The following NUP188 variants were observed in gnomAD, a reference collection of about 807,000 sequenced individuals.
NUP188 encodes the protein nucleoporin 188, also known as nucleoporin NUP188.
NUP188 carries 97 observed loss-of-function variants against 223.0 expected under a neutral mutation model. The ratio of observed to expected loss-of-function variants is 0.43; its 90% confidence interval spans 0.37 to 0.51. The LOEUF (loss-of-function observed/expected upper bound fraction) is 0.51. Ranked by LOEUF, NUP188 falls within the 20% of genes least tolerant of loss-of-function variation. The pLI, the probability that NUP188 is intolerant of heterozygous loss-of-function variation, is 0.00. For missense variants in NUP188, 1,947 were observed against 2,175.6 expected (o/e 0.89, Z 2.09); for synonymous variants, 869 against 828.0 (o/e 1.05, Z -0.85).
At position 128,949,222 on chromosome 9, in the gene NUP188, A is replaced by T. The variant is rs1355589625; in HGVS notation, c.66A>T (p.Gly22=). ...SSRELWTILL[G]RSALRELSQI... ...GAGAACTGTGGACTATTCTGCTTGG[A>T]AGGTCAGCTCTGAGAGAGCTGGTAA... The change falls in exon 2 of 44, where the codon GGA becomes GGT. Residue 22 remains glycine, a synonymous_variant. Coordinates refer to ENST00000372577, the MANE Select transcript of NUP188 (RefSeq NM_015354.3). 1 of 1,613,250 alleles carries T rather than the reference A, an allele frequency of 6.2e-7. No individual in the cohort carries two copies.
At chr9:128,999,401 C>T (rs1588291714) in intron 33 of NUP188, 84 bp downstream of exon 33, 1 of 1,512,436 alleles carries the variant, frequency 6.6e-7, no homozygotes, top group Non-Finnish European at 9.0e-7. Context: ...CAGCTTAGGG[C>T]CACACATTTC....
chr9:129,003,057 A>C, intron 37 of NUP188, 82 bp downstream of exon 37: 1 of 1,484,562 alleles, frequency 6.7e-7, no homozygotes, highest in Non-Finnish European at 9.1e-7. Context: ...GTGGGTGTGG[A>C]GCCTGGGCCT....
intron 12 of NUP188, among the ~76,000 whole-genome samples, chr9:128,973,594 G>T (rs1305317959): frequency 6.6e-6 from 1 of 152,096 alleles, no homozygotes; most frequent in Admixed American, 6.6e-5. Context: ...TGTCGACCAG[G>T]CTGGTCTTAA....
At chr9:128,974,284 C>T (rs746592004) in intron 12 of NUP188, among the ~76,000 whole-genome samples, 18 of 151,970 alleles carry the variant, frequency 1.2e-4, no homozygotes, top group Non-Finnish European at 2.2e-4. Context: ...CTTCTCACCT[C>T]GGCTTCCCAA....
rs534637267 is a variant in NUP188, at chr9:128,980,798, C to T, written c.1389+73C>T. On this transcript the variant is annotated intron_variant, in intron 14 of 43. Coordinates refer to ENST00000372577, the MANE Select transcript of NUP188 (RefSeq NM_015354.3). ...GAGACTTTATTAGGAATCTTTTTTG[C>T]TTTCCACATTGCAGTTCTACTGCCA... 1.2e-3 allele frequency: 1,767 copies of T among 1,523,844 alleles called. 2 individuals carry two copies. Among genetic ancestry groups the T allele is most frequent in the Non-Finnish European group, 1.5e-3 (1,631 of 1,113,934 alleles). 94.4% of individuals were successfully genotyped at this position (1,523,844 alleles called of 1,614,324 possible).
chr9:128,968,703 T>C lies in NUP188; in HGVS notation c.783T>C (p.Phe261=), dbSNP rs1842065931. The C allele has an allele frequency of 6.2e-7, 1 of 1,613,432 alleles. No homozygotes were observed. The highest frequency in any genetic ancestry group is 8.5e-7 in the Non-Finnish European group (1 of 1,179,458). The change falls in exon 9 of 44, where the codon TTT becomes TTC. Residue 261 remains phenylalanine (F), a synonymous_variant. Coordinates refer to ENST00000372577, the MANE Select transcript of NUP188 (RefSeq NM_015354.3). ...RHLVDETMDP[F]VDRIGYFSAL... is the part of the protein sequence containing the mutation. ...TGGTGGATGAGACTATGGATCCTTT[T>C]GTAGATCGGATTGGGTAAGTCAGTG...
At position 128,979,290 on chromosome 9, in the gene NUP188, T is replaced by C. The variant is rs775554243; in HGVS notation, c.1232T>C (p.Leu411Ser). 1.2e-6 allele frequency: 2 copies of C among 1,612,564 alleles called. No individual in the cohort carries two copies. The highest frequency in any genetic ancestry group is 3.3e-5 in the Admixed American group (2 of 59,944). Residue 411 changes from leucine (L) to serine (S), a missense_variant, in exon 13 of 44, where the codon TTG (leucine) becomes TCG (serine). This residue lies in a region of NUP188 where 817 missense variants were observed against 865.8 expected (regional missense o/e 0.94). Coordinates refer to ENST00000372577, the MANE Select transcript of NUP188 (RefSeq NM_015354.3). The part of the protein sequence containing the change: ...QDIIDTACEV[L>S]ADPSLPELFW... ...ATAATTGATACAGCATGTGAAGTAT[T>C]GGCCGACCCTTCTCTTCCGGAACTG...
Position 128,950,689 on chromosome 9 carries a change from T to A in NUP188, c.87+1446T>A, listed in dbSNP as rs190215489. On this transcript the variant is annotated intron_variant, in intron 2 of 43. Coordinates refer to ENST00000372577, the MANE Select transcript of NUP188 (RefSeq NM_015354.3). ...GACCCCGTCTCTACAAAAAATTTTTTAAAAAATTAGCCAGGCATGGTGGTG... is the reference window on the plus strand; with the variant it reads ...GACCCCGTCTCTACAAAAAATTTTTAAAAAAATTAGCCAGGCATGGTGGTG... 8.7e-3 allele frequency among the ~76,000 whole-genome samples: 1,327 copies of A among 152,090 alleles called. 16 individuals are homozygous for A. Among genetic ancestry groups the A allele is most frequent in the East Asian group, 0.045 (231 of 5,164 alleles).
chr9:128,949,465 T>C (rs1399861856), intron 2 of NUP188, among the ~76,000 whole-genome samples: 1 of 151,774 alleles, frequency 6.6e-6, no homozygotes, highest in Non-Finnish European at 1.5e-5. Flanking sequence ...CTCGAGTAGC[T>C]GGGATTACAG....
At chr9:128,960,486 A>G (rs1201197262) in intron 8 of NUP188, among the ~76,000 whole-genome samples, 1 of 152,222 alleles carries the variant, frequency 6.6e-6, no homozygotes, top group African/African-American at 2.4e-5. Flanking sequence ...CTTAAAAAAT[A>G]TTTAATAGAT....
chr9:128,992,323 G>T (rs561444986), intron 25 of NUP188, among the ~76,000 whole-genome samples: 1 of 152,298 alleles, frequency 6.6e-6, no homozygotes, highest in Admixed American at 6.5e-5. Flanking sequence ...CTCCCAGGTT[G>T]CTGGGATTAC....
In NUP188 at chr9:128,998,188, G is replaced by C. The variant is rs756380420; in HGVS notation, c.3389G>C (p.Arg1130Pro). The change falls in exon 31 of 44, where the codon CGC becomes CCC. Residue 1130 changes from arginine (R) to proline (P), a missense_variant. Coordinates refer to ENST00000372577, the MANE Select transcript of NUP188 (RefSeq NM_015354.3). ...CACCTGACTGACTCTGTGGTGCGTC[G>C]CCAGCTCTTTCTTGACGTGCTTGAT... ...IMHLTDSVVR[R>P]QLFLDVLDGT... is the part of the protein sequence containing the mutation. 4.9e-5 allele frequency: 79 copies of C among 1,613,746 alleles called. No homozygotes were observed. The Admixed American group carries it at 6.3e-4, about 13-fold the overall frequency.
chr9:128,959,527 CTTTTT>C (rs1303364478), intron 8 of NUP188, among the ~76,000 whole-genome samples: 4 of 123,878 alleles, frequency 3.2e-5, no homozygotes, highest in East Asian at 4.7e-4. Context: ...TACAGATTAT[CTTTTT>C]TTTTTTTTTT....
intron 8 of NUP188, among the ~76,000 whole-genome samples, chr9:128,967,070 T>C (rs1842040159): frequency 6.6e-6 from 1 of 152,116 alleles, no homozygotes. Context: ...TACAGGGGCA[T>C]GATTGTAGCC....
chr9:128,979,698 T>C (rs1842229054), intron 13 of NUP188, among the ~76,000 whole-genome samples: 1 of 152,120 alleles, frequency 6.6e-6, no homozygotes, highest in South Asian at 2.1e-4. Flanking sequence ...AATGGCGCGA[T>C]CTCGGCTCAC....
intron 8 of NUP188, 28 bp downstream of exon 8, chr9:128,959,162 C>CTTT: frequency 5.7e-6 from 7 of 1,234,472 alleles, no homozygotes; most frequent in East Asian, 2.9e-5. Context: ...TCTCCTGTAA[C>CTTT]TTTTTTTTTT....
rs771619001 is a variant in NUP188, at chr9:128,985,027, T to G, written c.2076+13T>G. On this transcript the variant is annotated intron_variant, in intron 20 of 43. Transcript: ENST00000372577. ...CACCCTTGTCAAGGTACAGTCTGAT[T>G]TTGTTCACAAAGGGCAGAAAAAGAA... 2.5e-5 allele frequency: 39 copies of G among 1,587,998 alleles called. No homozygotes were observed. Among genetic ancestry groups the G allele is most frequent in the Non-Finnish European group, 3.2e-5 (37 of 1,158,588 alleles).
Position 128,986,681 on chromosome 9 carries a change from A to T in NUP188, c.2197+3A>T, listed in dbSNP as rs371622482. The T allele has an allele frequency of 6.2e-7, 1 of 1,614,184 alleles. No individual in the cohort carries two copies. Among genetic ancestry groups the T allele is most frequent in the Non-Finnish European group, 8.5e-7 (1 of 1,180,030 alleles). ...TCATGGAGTGAGGGAACAGATTGGTAAGGACAGCATGGGCAGGGAAGACCT... is the reference window on the plus strand; with the variant it reads ...TCATGGAGTGAGGGAACAGATTGGTTAGGACAGCATGGGCAGGGAAGACCT... On this transcript the variant is annotated splice_donor_region_variant and intron_variant, in intron 21 of 43. Transcript: ENST00000372577.
intron 5 of NUP188, among the ~76,000 whole-genome samples, chr9:128,957,776 A>G (rs1343779080): frequency 3.3e-5 from 5 of 152,106 alleles, no homozygotes; most frequent in Non-Finnish European, 7.4e-5. Context: ...GATTTGGTAG[A>G]ATTTCTAGCC....
Sources: gnomAD v4.1 joint callset for allele counts (sites outside exome capture counted in the v4.1 genomes callset) on GRCh38, gnomAD v4.1.1 for gene constraint, gnomAD v4.1.1 regional missense constraint, MANE v1.5 for transcripts, NCBI Gene and HGNC (gene_info 2026-07-23, HGNC 2026-07-21) for gene names.